HEATR4: variants seen among roughly 807,000 people sequenced by gnomAD.
HEATR4 encodes the protein HEAT repeat-containing protein 4.
Under a neutral mutation model 108.8 loss-of-function variants are expected in HEATR4, and 95 were observed. The observed-to-expected ratio is 0.87, with a 90% CI of 0.74 to 1.04. HEATR4 has a LOEUF of 1.04. Among genes scored for constraint, HEATR4 ranks in the 50% least tolerant of loss-of-function variants. The pLI, the probability that HEATR4 is intolerant of heterozygous loss-of-function variation, is 0.00. For missense variants in HEATR4, 1,152 were observed against 1,253.8 expected, an observed-to-expected ratio of 0.92 and a Z score of 1.23; for synonymous variants, 443 against 459.4, an observed-to-expected ratio of 0.96 and a Z score of 0.46.
At position 73,522,850 on chromosome 14, in the gene HEATR4, G is replaced by A; in HGVS notation, c.303C>T (p.Asp101=). 6.2e-7 allele frequency: 1 copy of A among 1,614,236 alleles called. No homozygotes were observed. Among genetic ancestry groups the A allele is most frequent in the African/African-American group, 1.3e-5 (1 of 75,062 alleles). The change falls in exon 3 of 18, where the codon GAC becomes GAT. Residue 101 remains aspartate (D), a synonymous_variant. Transcript: ENST00000553558. ...YSFDHLYNTN[D]IIHTPQIRKA... is the part of the protein sequence containing the mutation. ...TCCTGATCTGGGGAGTATGGATGAT[G>A]TCATTGGTATTGTAGAGGTGGTCAA...
intron 15 of HEATR4, 89 bp from the exon 16 acceptor site, chr14:73,495,476 A>G (rs977222329): frequency 1.9e-6 from 2 of 1,038,286 alleles, no homozygotes; most frequent in African/African-American, 3.2e-5. Context: ...AAGTGATTGT[A>G]GGAGGCTGAG....
chr14:73,619,706 T>G, the HEATR4 span: 1 of 1,614,180 alleles, frequency 6.2e-7, no homozygotes, highest in East Asian at 2.2e-5. Context: ...CACGCTGTTT[T>G]GGGTGAGGCA....
chr14:73,564,613 A>G, the HEATR4 span, among the ~76,000 whole-genome samples: 3 of 151,938 alleles, frequency 2.0e-5, no homozygotes, highest in East Asian at 5.8e-4. Flanking sequence ...GTCTTAAAAA[A>G]CAAACAAACA....
chr14:73,561,406 G>A (rs1478394199), upstream of HEATR4, among the ~76,000 whole-genome samples: 1 of 151,930 alleles, frequency 6.6e-6, no homozygotes, highest in Non-Finnish European at 1.5e-5. Flanking sequence ...GAATGAAATG[G>A]GCCAGGTGCA....
At chr14:73,551,736 G>A (rs1472479990) in intron 1 of HEATR4, among the ~76,000 whole-genome samples, 1 of 109,296 alleles carries the variant, frequency 9.1e-6, no homozygotes, top group Non-Finnish European at 2.0e-5. Context: ...TGAACCCCAG[G>A]AGGCCGAGGT....
the HEATR4 span, among the ~76,000 whole-genome samples, chr14:73,606,643 A>G: frequency 2.6e-5 from 4 of 152,304 alleles, no homozygotes; most frequent in Admixed American, 6.5e-5. Context: ...AGCCTTACCA[A>G]AGGTAACCTC....
chr14:73,491,529 A>T (rs1486628693), intron 17 of HEATR4: 1 of 1,525,958 alleles, frequency 6.6e-7, no homozygotes, highest in South Asian at 1.2e-5. Flanking sequence ...TCGGGGCCGC[A>T]GGTGGATAAC....
chr14:73,547,793 G>T lies in HEATR4; in HGVS notation c.-152+10958C>A, dbSNP rs1176646303. 1.5e-4 allele frequency among the ~76,000 whole-genome samples: 17 copies of T among 114,652 alleles called. 7 individuals carry two copies. Among genetic ancestry groups the T allele is most frequent in the Non-Finnish European group, 3.2e-4 (17 of 52,600 alleles). 75.2% of individuals were successfully genotyped at this position (114,652 alleles called of 152,430 possible). On this transcript the variant is annotated intron_variant, in intron 1 of 17. Coordinates refer to ENST00000553558, the MANE Select transcript of HEATR4 (RefSeq NM_001220484.1). Reference sequence around the variant, plus strand: ...CCCAACTACTTGGCAGGCTGAGGTGGGTGAATCGCTTGAACCTGGGAGTCG... The same window carrying T: ...CCCAACTACTTGGCAGGCTGAGGTGTGTGAATCGCTTGAACCTGGGAGTCG...
the HEATR4 span, among the ~76,000 whole-genome samples, chr14:73,599,480 G>A: frequency 6.6e-6 from 1 of 152,098 alleles, no homozygotes; most frequent in Non-Finnish European, 1.5e-5. Flanking sequence ...TAATTTGACT[G>A]AGGGGTTGAA....
chr14:73,507,520 A>G (rs1249802205), intron 9 of HEATR4, among the ~76,000 whole-genome samples: 1 of 151,938 alleles, frequency 6.6e-6, no homozygotes, highest in Non-Finnish European at 1.5e-5. Context: ...TGCAGCCCCA[A>G]CCTGCCAGGC....
At chr14:73,573,222 A>G in the HEATR4 span, among the ~76,000 whole-genome samples, 4 of 151,960 alleles carry the variant, frequency 2.6e-5, no homozygotes, top group Non-Finnish European at 5.9e-5. Context: ...AAGTCACTAT[A>G]AACACTTGCC....
At chr14:73,576,572 G>A in the HEATR4 span, among the ~76,000 whole-genome samples, 12 of 151,756 alleles carry the variant, frequency 7.9e-5, no homozygotes, top group African/African-American at 2.2e-4. Context: ...GGAGACCAAG[G>A]CCAGTGGATT....
the HEATR4 span, among the ~76,000 whole-genome samples, chr14:73,584,232 C>A: frequency 6.6e-6 from 1 of 151,542 alleles, no homozygotes; most frequent in Non-Finnish European, 1.5e-5. Context: ...GGGCTCTTGA[C>A]CTTCAGGTGC....
chr14:73,598,855 G>C, the HEATR4 span, among the ~76,000 whole-genome samples: 48 of 151,872 alleles, frequency 3.2e-4, no homozygotes, highest in Non-Finnish European at 4.4e-5. Flanking sequence ...ATACAAAAAA[G>C]TAGCCAGGTG....
At chr14:73,610,684 T>C in the HEATR4 span, among the ~76,000 whole-genome samples, 3 of 152,042 alleles carry the variant, frequency 2.0e-5, no homozygotes, top group East Asian at 5.8e-4. Flanking sequence ...CTAAAGGAGG[T>C]ATCTGGGTTG....
rs1232618772 is a variant in HEATR4 at position 73,555,303 on chromosome 14, A to G, written c.-152+3448T>C. Reference sequence around the variant, plus strand: ...TTAATAACATCATAAAGGAGCTCCAATATGGCTGGTAGCAGACTTCTCAGC... The same window carrying G: ...TTAATAACATCATAAAGGAGCTCCAGTATGGCTGGTAGCAGACTTCTCAGC... On this transcript the variant is annotated intron_variant, in intron 1 of 17. Transcript: ENST00000553558. Among the ~76,000 whole-genome samples, 3 of 112,886 alleles carry G rather than the reference A, an allele frequency of 2.7e-5. 1 individual carries two copies. Among genetic ancestry groups the G allele is most frequent in the Admixed American group, 1.0e-4 (1 of 9,782 alleles). The allele number at this position is 112,886 out of a possible 152,430, so 74.1% of individuals were successfully genotyped here. A position where few individuals can be genotyped will look rare whatever the true frequency, so the allele number is the denominator to read the frequency against.
At chr14:73,484,404 AG>A (rs1163102018) in intron 17 of HEATR4, among the ~76,000 whole-genome samples, 1 of 151,810 alleles carries the variant, frequency 6.6e-6, no homozygotes, top group Non-Finnish European at 1.5e-5. Context: ...ATTGAGAGGG[AG>A]TCTTGCCCTG....
intron 7 of HEATR4, among the ~76,000 whole-genome samples, chr14:73,509,746 C>T (rs1311142532): frequency 1.4e-5 from 2 of 138,340 alleles, no homozygotes; most frequent in African/African-American, 5.4e-5. Context: ...ATGTTTCCAG[C>T]TAGGCTACAG....
At chr14:73,491,527 G>T in intron 17 of HEATR4, 1 of 1,524,238 alleles carries the variant, frequency 6.6e-7, no homozygotes, top group South Asian at 1.2e-5. Flanking sequence ...CGTCGGGGCC[G>T]CAGGTGGATA....
Sources: allele counts gnomAD v4.1 joint callset (sites outside exome capture counted in the v4.1 genomes callset), GRCh38; gene constraint gnomAD v4.1.1; transcripts MANE v1.5; gene names NCBI Gene and HGNC (gene_info 2026-07-23, HGNC 2026-07-21).